The following BRF1 variants were observed in gnomAD, a reference collection of about 807,000 sequenced individuals.
BRF1 encodes the protein BRF1 general transcription factor IIIB subunit.
Under a neutral mutation model 81.7 loss-of-function variants are expected in BRF1, and 59 were observed. The ratio of observed to expected loss-of-function variants is 0.72; its 90% CI spans 0.59 to 0.90. The LOEUF is 0.90. BRF1 is among the 40% of genes least tolerant of loss of function. The pLI, the probability that BRF1 is intolerant of heterozygous loss-of-function variation, is 0.00. For synonymous variants in BRF1, 491 were observed against 395.6 expected, an observed-to-expected ratio of 1.24 and a Z score of -2.86; for missense variants, 1,050 against 936.3, an observed-to-expected ratio of 1.12 and a Z score of -1.58.
intron 5 of BRF1, chr14:105,242,178 G>A (rs2054720375): frequency 6.6e-6 from 1 of 152,262 alleles, no homozygotes; most frequent in African/African-American, 2.4e-5. Context: ...AAGGATAAAT[G>A]CTTGAGGTGA....
chr14:105,216,553 G>A (rs753820388), intron 15 of BRF1, among the ~76,000 whole-genome samples: 6 of 152,212 alleles, frequency 3.9e-5, no homozygotes, highest in South Asian at 4.1e-4. Context: ...CTGCCAGGAG[G>A]TCAGGCTCCC....
intron 3 of BRF1, 107 bp from the exon 4 acceptor site, chr14:105,256,656 C>T: frequency 1.3e-6 from 2 of 1,495,178 alleles, no homozygotes; most frequent in Admixed American, 4.4e-5. Flanking sequence ...GCTGGAGTCG[C>T]CCCTCCAAAT....
chr14:105,304,592 G>A (rs906432286), upstream of BRF1, among the ~76,000 whole-genome samples: 1 of 152,258 alleles, frequency 6.6e-6, no homozygotes, highest in Non-Finnish European at 1.5e-5. Context: ...GCTCAGATGG[G>A]CTGCAGAGGA....
chr14:105,226,587 C>A (rs201907081), intron 8 of BRF1, 47 bp downstream of exon 8: 4 of 1,609,818 alleles, frequency 2.5e-6, no homozygotes, highest in South Asian at 1.1e-5. Flanking sequence ...TGGCTTCCCC[C>A]CAAGGCTGGC....
In BRF1 at chr14:105,227,185, G is replaced by A. The variant is rs587729136; in HGVS notation, c.789-425C>T. The A allele has an allele frequency of 2.5e-5, 5 of 198,100 alleles. No homozygotes were observed. The South Asian group carries it at 2.6e-4, about 10-fold the overall frequency. The allele number at this position is 198,100 out of a possible 1,614,324, so 12.3% of individuals were successfully genotyped here. A position where few individuals can be genotyped will look rare whatever the true frequency, so the allele number is the denominator to read the frequency against. On this transcript the variant is annotated intron_variant, in intron 7 of 17. Coordinates refer to ENST00000547530, the MANE Select transcript of BRF1 (RefSeq NM_001519.4). ...CTGTAATCCCAGCATGTGGGAGGCCGAAGTGGTAGGATCACCTGAGGTCAG... is the reference window on the plus strand; with the variant it reads ...CTGTAATCCCAGCATGTGGGAGGCCAAAGTGGTAGGATCACCTGAGGTCAG...
In BRF1 at chr14:105,272,788, G is replaced by A. The variant is rs376988257; in HGVS notation, c.372C>T (p.Arg124=). 96 of 1,613,812 alleles carry A rather than the reference G, an allele frequency of 5.9e-5. No homozygotes were observed. Among genetic ancestry groups the A allele is most frequent in the Non-Finnish European group, 7.6e-5 (90 of 1,179,964 alleles). The change falls in exon 3 of 18, where the codon CGC becomes CGT. Residue 124 remains arginine, a synonymous_variant. Transcript: ENST00000547530. ...FKMAVSRHLT[R]GRKMAHVIAA... is the part of the protein sequence containing the mutation. ...CAATCACGTGGGCCATCTTCCGGCC[G>A]CGGGTCAGGTGCCTGCTCACGGCCA...
chr14:105,219,308 G>A (rs778499300), intron 12 of BRF1, 76 bp from the exon 13 acceptor site: 20 of 1,588,564 alleles, frequency 1.3e-5, no homozygotes, highest in African/African-American at 6.7e-5. Context: ...GCTGGCCAGC[G>A]GGAAGTATTT....
chr14:105,269,753 T>TC lies in BRF1; in HGVS notation c.439+2967dup, dbSNP rs937228953. On this transcript the variant is annotated intron_variant, in intron 3 of 17. Transcript: ENST00000547530. The surrounding 1 kb of genome is among the most constrained non-coding windows in gnomAD (Gnocchi z 5.0). ...GAAGGCCCATGTCCCAGGGCATCTGTCCCCCCCACAGGAGGCCCAGTGAGG... is the reference window on the plus strand; with the variant it reads ...GAAGGCCCATGTCCCAGGGCATCTGTCCCCCCCCACAGGAGGCCCAGTGAGG... 2.6e-5 allele frequency among the ~76,000 whole-genome samples: 4 copies of TC among 151,794 alleles called. No individual in the cohort carries two copies. Among genetic ancestry groups the TC allele is most frequent in the Admixed American group, 6.6e-5 (1 of 15,240 alleles).
intron 7 of BRF1, chr14:105,228,318 C>G (rs1181532576): frequency 2.0e-5 from 3 of 152,966 alleles, no homozygotes; most frequent in African/African-American, 7.2e-5. Flanking sequence ...TTTGGGAGGC[C>G]AAGACGGGCA....
intron 1 of BRF1, among the ~76,000 whole-genome samples, chr14:105,296,219 CT>C (rs960049117): frequency 6.6e-5 from 10 of 151,878 alleles, no homozygotes; most frequent in Non-Finnish European, 1.0e-4. Context: ...AAAACCCCAT[CT>C]CTACTAAAAA....
intron 5 of BRF1, among the ~76,000 whole-genome samples, chr14:105,245,996 G>A (rs187742938): frequency 1.9e-4 from 29 of 152,316 alleles, no homozygotes; most frequent in Non-Finnish European, 2.9e-4. Flanking sequence ...TAGAATGGAA[G>A]AGACTATGTG....
chr14:105,277,730 T>C (rs2056905137), intron 2 of BRF1, among the ~76,000 whole-genome samples: 1 of 152,226 alleles, frequency 6.6e-6, no homozygotes, highest in Non-Finnish European at 1.5e-5. Context: ...GGGCTTATGA[T>C]GACTGCAGTA....
chr14:105,249,634 G>T, intron 5 of BRF1: 1 of 1,601,984 alleles, frequency 6.2e-7, no homozygotes, highest in Non-Finnish European at 8.5e-7. Context: ...GCCCTGCCTC[G>T]CCTAGGTACA....
chr14:105,291,738 C>T (rs1265430851), intron 1 of BRF1, among the ~76,000 whole-genome samples: 1 of 151,990 alleles, frequency 6.6e-6, no homozygotes, highest in Non-Finnish European at 1.5e-5. Flanking sequence ...TGGCTCACGC[C>T]TGTAATCCCA....
intron 15 of BRF1, among the ~76,000 whole-genome samples, chr14:105,216,904 T>C (rs1404575566): frequency 6.6e-6 from 1 of 152,066 alleles, no homozygotes; most frequent in Non-Finnish European, 1.5e-5. Flanking sequence ...GAGGGACACA[T>C]GGACCAGCCA....
At position 105,252,567 on chromosome 14, in the gene BRF1, C is replaced by T. The variant is rs750860515; in HGVS notation, c.484G>A (p.Val162Met). Residue 162 changes from valine to methionine, a missense_variant, in exon 5 of 18, where the codon GTG (valine) becomes ATG (methionine). Val to Met is a conservative substitution (Grantham distance 21). Coordinates refer to ENST00000547530, the MANE Select transcript of BRF1 (RefSeq NM_001519.4). ...AAGAGAAGAAACGTCTTTCCAAGCACGTACACATTCACCTGAGATGGAGAG... is the reference window on the plus strand; with the variant it reads ...AAGAGAAGAAACGTCTTTCCAAGCATGTACACATTCACCTGAGATGGAGAG... ...LSDLLQVNVY[V>M]LGKTFLLLAR... 19 of 1,613,728 alleles carry T rather than the reference C, an allele frequency of 1.2e-5. No individual in the cohort carries two copies. Among genetic ancestry groups the T allele is most frequent in the East Asian group, 4.5e-5 (2 of 44,878 alleles).
chr14:105,215,786 ACAC>A (rs1566797449), intron 15 of BRF1, among the ~76,000 whole-genome samples: 5 of 149,178 alleles, frequency 3.4e-5, no homozygotes. Context: ...CTGCACACAC[ACAC>A]ATGCACACAC....
At chr14:105,251,637 C>T (rs969182975) in intron 5 of BRF1, among the ~76,000 whole-genome samples, 1 of 152,144 alleles carries the variant, frequency 6.6e-6, no homozygotes, top group African/African-American at 2.4e-5. Context: ...TGCTGCAGCC[C>T]GTGTTGCTCA....
At chr14:105,241,462 C>T (rs759271932) in intron 5 of BRF1, 48 bp from the exon 6 acceptor site, 19 of 1,602,326 alleles carry the variant, frequency 1.2e-5, no homozygotes, top group African/African-American at 4.0e-5. Context: ...TGCCATGGCA[C>T]GTGCACAGGC....
Sources: allele counts gnomAD v4.1 joint callset (sites outside exome capture counted in the v4.1 genomes callset), GRCh38; gene constraint gnomAD v4.1.1; non-coding constraint Gnocchi (gnomAD v3.1); transcripts MANE v1.5; gene names NCBI Gene and HGNC (gene_info 2026-07-23, HGNC 2026-07-21).